Variants in ZNF469 observed in about 807,000 individuals in gnomAD.
ZNF469 encodes zinc finger protein 469.
Under a neutral mutation model 1.0 loss-of-function variants are expected in ZNF469, and 1 was observed. The observed-to-expected ratio is 1.00, with a 90% CI of 0.35 to 4.73. The LOEUF (loss-of-function observed/expected upper bound fraction) is 4.73. ZNF469 is among the 30% of genes most tolerant of loss of function. The probability of loss-of-function intolerance (pLI) is 0.16; values close to 1 mark genes in which losing one functional copy is unlikely to be tolerated. For missense variants in ZNF469, 6,100 were observed against 5,356.3 expected (o/e 1.14, Z -4.33); for synonymous variants, 2,703 against 2,363.4 (o/e 1.14, Z -4.17).
intron 1 of ZNF469, among the ~76,000 whole-genome samples, chr16:88,407,214 C>A (rs921368989): frequency 2.6e-5 from 4 of 152,196 alleles, no homozygotes; most frequent in Non-Finnish European, 5.9e-5. Flanking sequence ...TTGGGCTGGG[C>A]CCCCCAGGGT....
At chr16:88,200,881 G>A in the ZNF469 span, among the ~76,000 whole-genome samples, 13 of 152,248 alleles carry the variant, frequency 8.5e-5, no homozygotes, top group South Asian at 8.3e-4. Context: ...GCGTTCCTCC[G>A]GCCGCCCCCG....
At chr16:88,227,983 G>T in the ZNF469 span, among the ~76,000 whole-genome samples, 1 of 152,186 alleles carries the variant, frequency 6.6e-6, no homozygotes, top group African/African-American at 2.4e-5. Context: ...ACCCAGCCAG[G>T]CTCCGCATCC....
chr16:88,421,088 G>C lies in ZNF469; in HGVS notation c.-191-3719G>C, dbSNP rs193267213. On this transcript the variant is annotated intron_variant, in intron 1 of 2. Transcript: ENST00000565624. Reference sequence around the variant, plus strand: ...TCTCGAGGGTGCACAGGCCATAGCTGAAACTGAGCAGGTTGAAAGAGGAGG... The same window carrying C: ...TCTCGAGGGTGCACAGGCCATAGCTCAAACTGAGCAGGTTGAAAGAGGAGG... Among the ~76,000 whole-genome samples, 931 of 152,190 alleles carry C rather than the reference G, an allele frequency of 6.1e-3. 12 individuals are homozygous for C. The highest frequency in any genetic ancestry group is 0.021 in the African/African-American group (881 of 41,526).
chr16:88,140,660 A>G, the ZNF469 span, among the ~76,000 whole-genome samples: 1 of 152,356 alleles, frequency 6.6e-6, no homozygotes, highest in Admixed American at 6.5e-5. Context: ...GGCCAGGCGC[A>G]GTGGCTCAGG....
In ZNF469 at chr16:88,437,305, C is replaced by T. The variant is rs1351077994; in HGVS notation, c.9835C>T (p.Pro3279Ser). The change falls in exon 3 of 3, where the codon CCC (proline) becomes TCC (serine). Residue 3279 changes from proline (P) to serine (S), a missense_variant. Pro to Ser is a moderately conservative substitution (Grantham distance 74, BLOSUM62 -1). Transcript: ENST00000565624. Reference sequence around the variant, plus strand: ...GGCGAAACCCCGGGCACGCAGCACCCCCAGCAACCCAGACGGGGCCGCGAC... The same window carrying T: ...GGCGAAACCCCGGGCACGCAGCACCTCCAGCAACCCAGACGGGGCCGCGAC... ...ERAKPRARST[P>S]SNPDGAATPD... The T allele has an allele frequency of 1.4e-5, 22 of 1,547,346 alleles. No homozygotes were observed. The highest frequency in any genetic ancestry group is 2.0e-5 in the Admixed American group (1 of 50,850).
At chr16:88,253,805 CT>C in the ZNF469 span, among the ~76,000 whole-genome samples, 1 of 152,224 alleles carries the variant, frequency 6.6e-6, no homozygotes, top group Non-Finnish European at 1.5e-5. Flanking sequence ...TCCCAAAGTG[CT>C]GGGATTACAG....
chr16:88,182,038 G>A, the ZNF469 span, among the ~76,000 whole-genome samples: 1 of 152,230 alleles, frequency 6.6e-6, no homozygotes, highest in Admixed American at 6.5e-5. Context: ...CAAAGTTGCT[G>A]GACATAAGGT....
At chr16:88,259,826 C>T in the ZNF469 span, among the ~76,000 whole-genome samples, 4 of 152,192 alleles carry the variant, frequency 2.6e-5, no homozygotes, top group East Asian at 5.8e-4. This position sits in a 1 kb window ranked among gnomAD's most constrained non-coding sequence, Gnocchi z 4.1. Flanking sequence ...CTGCAGGCTC[C>T]GCCGAAGACC....
chr16:88,128,757 C>T, the ZNF469 span, among the ~76,000 whole-genome samples: 2 of 152,264 alleles, frequency 1.3e-5, no homozygotes, highest in Non-Finnish European at 2.9e-5. Flanking sequence ...GCCCTCCCAG[C>T]CCCTCCAGGC....
the ZNF469 span, among the ~76,000 whole-genome samples, chr16:88,279,475 G>A: frequency 1.3e-5 from 2 of 151,432 alleles, no homozygotes; most frequent in Admixed American, 1.3e-4. Flanking sequence ...CCGACGCTCG[G>A]TCAGTACCGT....
chr16:88,377,069 C>A, the ZNF469 span, among the ~76,000 whole-genome samples: 1 of 152,250 alleles, frequency 6.6e-6, no homozygotes, highest in Non-Finnish European at 1.5e-5. Context: ...GAGGGACTTG[C>A]CAGAGCTGGA....
At position 88,438,470 on chromosome 16, in the gene ZNF469, A is replaced by G; in HGVS notation, c.11000A>G (p.Lys3667Arg). 2 of 1,550,096 alleles carry G rather than the reference A, an allele frequency of 1.3e-6. No individual in the cohort carries two copies. The highest frequency in any genetic ancestry group is 1.7e-6 in the Non-Finnish European group (2 of 1,146,944). ...SEGGPRGAFH[K>R]GSATKPAGCQ... ...GGGGGGCCCCGAGGCGCCTTCCACAAGGGCAGCGCCACCAAGCCTGCGGGC... is the reference window on the plus strand; with the variant it reads ...GGGGGGCCCCGAGGCGCCTTCCACAGGGGCAGCGCCACCAAGCCTGCGGGC... The change falls in exon 3 of 3, where the codon AAG (lysine) becomes AGG (arginine). Residue 3667 changes from lysine (K) to arginine (R), a missense_variant. By Grantham distance (26) the Lys-to-Arg change is conservative (BLOSUM62 2). Transcript: ENST00000565624.
chr16:88,168,630 C>T, the ZNF469 span, among the ~76,000 whole-genome samples: 13,141 of 152,244 alleles, frequency 0.086, 664 homozygotes, highest in Admixed American at 0.16. The surrounding 1 kb of genome is among the most constrained non-coding windows in gnomAD (Gnocchi z 4.3). Flanking sequence ...ATCTCCTCTC[C>T]AGAACAGTTT....
At chr16:88,227,652 G>C in the ZNF469 span, among the ~76,000 whole-genome samples, 1 of 151,528 alleles carries the variant, frequency 6.6e-6, no homozygotes, top group Non-Finnish European at 1.5e-5. Context: ...CCCTCCCAAG[G>C]GTGCCTGCCT....
chr16:88,137,565 T>C, the ZNF469 span, among the ~76,000 whole-genome samples: 20,804 of 152,206 alleles, frequency 0.14, 1,745 homozygotes, highest in East Asian at 0.29. Context: ...CCGCCATGCA[T>C]GTATACAGCT....
chr16:88,275,911 T>C, the ZNF469 span, among the ~76,000 whole-genome samples: 1 of 152,106 alleles, frequency 6.6e-6, no homozygotes, highest in African/African-American at 2.4e-5. Context: ...CACAGAGTCC[T>C]GTAAGATGGA....
chr16:88,159,091 T>C, the ZNF469 span, among the ~76,000 whole-genome samples: 27 of 149,620 alleles, frequency 1.8e-4, no homozygotes, highest in African/African-American at 5.9e-4. Flanking sequence ...ACTCTCACCG[T>C]CCTGGTCACG....
At chr16:88,367,299 A>G in the ZNF469 span, among the ~76,000 whole-genome samples, 1 of 152,248 alleles carries the variant, frequency 6.6e-6, no homozygotes, top group African/African-American at 2.4e-5. Context: ...CAATCCTTCA[A>G]GGCAAGTATT....
the ZNF469 span, among the ~76,000 whole-genome samples, chr16:88,269,349 C>CA: frequency 3.9e-5 from 6 of 152,042 alleles, no homozygotes; most frequent in Admixed American, 6.5e-5. Context: ...TGGGTGCACC[C>CA]GGACGGCCGG....
Sources: allele counts gnomAD v4.1 joint callset (sites outside exome capture counted in the v4.1 genomes callset), GRCh38; gene constraint gnomAD v4.1.1; non-coding constraint Gnocchi (gnomAD v3.1); transcripts MANE v1.5; gene names NCBI Gene and HGNC (gene_info 2026-07-23, HGNC 2026-07-21).